TYW1: variants seen among roughly 807,000 people sequenced by gnomAD.
TYW1 encodes the protein tRNA-yW synthesizing protein 1 homolog, also known as S-adenosyl-L-methionine-dependent tRNA 4-demethylwyosine synthase TYW1.
Under a neutral mutation model 96.2 loss-of-function variants are expected in TYW1, and 46 were observed. That is an observed-to-expected ratio of 0.48 (90% CI 0.38 to 0.61). The LOEUF is 0.61. Ranked by LOEUF, TYW1 falls within the 20% of genes least tolerant of loss-of-function variation. The pLI, the probability that TYW1 is intolerant of heterozygous loss-of-function variation, is 0.00. For synonymous variants in TYW1, 274 were observed against 323.0 expected (o/e 0.85, Z 1.63); for missense variants, 684 against 909.6 (o/e 0.75, Z 3.19).
rs570299951 is a variant in TYW1 at position 67,011,873 on chromosome 7, C to CAAA, written c.375+2203_375+2205dup. On this transcript the variant is annotated intron_variant, in intron 4 of 15. Coordinates refer to ENST00000359626, the MANE Select transcript of TYW1 (RefSeq NM_018264.4). ...GGGCGACAAAAGCAAATCTCCGTCT[C>CAAA]AAAAAAAAAAAAAAAAGAAGCAGCA... is the stretch of plus-strand genomic sequence containing the variant. Among the ~76,000 whole-genome samples the CAAA allele has an allele frequency of 1.9e-4, 17 of 91,746 alleles. No homozygotes were observed. The East Asian group carries it at 3.9e-3, about 21-fold the overall frequency. 60.2% of individuals were successfully genotyped at this position (91,746 alleles called of 152,430 possible).
At chr7:67,235,190 G>A (rs56785837) in intron 15 of TYW1, among the ~76,000 whole-genome samples, 40,583 of 151,856 alleles carry the variant, frequency 0.27, 5,745 homozygotes, top group African/African-American at 0.36. Context: ...GATCCCCAAA[G>A]AGACTCCTCT....
chr7:67,013,383 A>G (rs1169373400), intron 4 of TYW1, among the ~76,000 whole-genome samples: 2 of 152,086 alleles, frequency 1.3e-5, no homozygotes, highest in African/African-American at 4.8e-5. Flanking sequence ...TCAACCTCCC[A>G]AAGTCCTGGG....
intron 15 of TYW1, among the ~76,000 whole-genome samples, chr7:67,209,510 T>C (rs1361335437): frequency 6.6e-6 from 1 of 152,186 alleles, no homozygotes; most frequent in Non-Finnish European, 1.5e-5. Context: ...ATAAGTGATA[T>C]ATATGGCTTG....
intron 9 of TYW1, among the ~76,000 whole-genome samples, chr7:67,063,397 T>C (rs1258465624): frequency 6.6e-6 from 1 of 152,224 alleles, no homozygotes; most frequent in Non-Finnish European, 1.5e-5. Context: ...CACTCCTGTT[T>C]TACATAGTAT....
chr7:67,014,027 G>A (rs1793917934), intron 4 of TYW1, among the ~76,000 whole-genome samples: 1 of 152,100 alleles, frequency 6.6e-6, no homozygotes, highest in South Asian at 2.1e-4. Context: ...ACAGGCTTGA[G>A]CCACCGCACC....
At chr7:67,190,727 T>C (rs953134416) in intron 14 of TYW1, among the ~76,000 whole-genome samples, 3 of 152,178 alleles carry the variant, frequency 2.0e-5, no homozygotes, top group African/African-American at 7.2e-5. Context: ...TTTAAAGAGT[T>C]ATTGAAGCAT....
chr7:67,163,733 A>G (rs1799239820), intron 13 of TYW1, among the ~76,000 whole-genome samples: 1 of 148,254 alleles, frequency 6.7e-6, no homozygotes, highest in African/African-American at 2.5e-5. Flanking sequence ...CAGTGGTGTG[A>G]TCTCAGCTCT....
chr7:67,103,811 T>G (rs1797161427), intron 12 of TYW1, among the ~76,000 whole-genome samples: 1 of 152,196 alleles, frequency 6.6e-6, no homozygotes, highest in Non-Finnish European at 1.5e-5. Context: ...ATACAGCAAG[T>G]CAACAAGTTC....
intron 10 of TYW1, among the ~76,000 whole-genome samples, chr7:67,079,516 G>A (rs1796315912): frequency 6.6e-6 from 1 of 150,512 alleles, no homozygotes; most frequent in Non-Finnish European, 1.5e-5. Flanking sequence ...TTAGTCTAAT[G>A]GTTTGTCGAT....
intron 9 of TYW1, among the ~76,000 whole-genome samples, chr7:67,064,056 A>G (rs1474868470): frequency 6.6e-6 from 1 of 152,246 alleles, no homozygotes; most frequent in African/African-American, 2.4e-5. Context: ...AAAATAAATG[A>G]AAATCTAAAC....
chr7:67,180,425 A>ATATATATTAT (rs1563058168), intron 13 of TYW1, among the ~76,000 whole-genome samples: 1 of 68,636 alleles, frequency 1.5e-5, no homozygotes, highest in African/African-American at 7.3e-5. Context: ...TATATATATA[A>ATATATATTAT]TTTTTTTTTT....
chr7:67,229,278 C>T (rs1801668503), intron 15 of TYW1, among the ~76,000 whole-genome samples: 4 of 152,080 alleles, frequency 2.6e-5, no homozygotes. Flanking sequence ...TGGCTCATGC[C>T]TGTAATCCTA....
At chr7:67,210,479 A>G (rs1325154635) in intron 15 of TYW1, among the ~76,000 whole-genome samples, 1 of 152,130 alleles carries the variant, frequency 6.6e-6, no homozygotes, top group African/African-American at 2.4e-5. Flanking sequence ...GGAGGAAATC[A>G]CCGTGTGTGG....
Position 67,080,940 on chromosome 7 carries a change from G to GT in TYW1, c.1275-2463dup, listed in dbSNP as rs71049495. 4.8e-3 allele frequency among the ~76,000 whole-genome samples: 179 copies of GT among 37,238 alleles called. 20 individuals are homozygous for GT. The highest frequency in any genetic ancestry group is 8.9e-3 in the African/African-American group (79 of 8,846). 24.4% of individuals were successfully genotyped at this position (37,238 alleles called of 152,430 possible). A position where few individuals can be genotyped will look rare whatever the true frequency, so the allele number is the denominator to read the frequency against. ...TGTATATTGTTTTTGCTTTCTTACT[G>GT]TTTTTTTTTTTTTTTTTTTTTTTTT... is the stretch of plus-strand genomic sequence containing the variant. On this transcript the variant is annotated intron_variant, in intron 10 of 15. Coordinates refer to ENST00000359626, the MANE Select transcript of TYW1 (RefSeq NM_018264.4).
intron 10 of TYW1, among the ~76,000 whole-genome samples, chr7:67,068,682 C>T (rs1795946665): frequency 6.6e-6 from 1 of 152,134 alleles, no homozygotes; most frequent in African/African-American, 2.4e-5. Flanking sequence ...ATTTCCGTGG[C>T]TTCATTTATC....
At chr7:67,180,845 C>T (rs1376433981) in intron 13 of TYW1, among the ~76,000 whole-genome samples, 38 of 151,894 alleles carry the variant, frequency 2.5e-4, no homozygotes, top group Admixed American at 2.3e-3. Flanking sequence ...GGTTTCACCA[C>T]GTTGACCAGG....
rs1217290645 is a variant in TYW1, at chr7:67,179,432, C to T, written c.1699-3694C>T. 4.6e-4 allele frequency among the ~76,000 whole-genome samples: 62 copies of T among 136,006 alleles called. 5 individuals are homozygous for T. Among genetic ancestry groups the T allele is most frequent in the Non-Finnish European group, 3.2e-4 (20 of 63,348 alleles). The allele number at this position is 136,006 out of a possible 152,430, so 89.2% of individuals were successfully genotyped here. A position where few individuals can be genotyped will look rare whatever the true frequency, so the allele number is the denominator to read the frequency against. ...GTCCTGCCAGTCTCCCACCTCACTA[C>T]TGCTTGGGTTCACACCCCAGCTTTG... On this transcript the variant is annotated intron_variant, in intron 13 of 15. Coordinates refer to ENST00000359626, the MANE Select transcript of TYW1 (RefSeq NM_018264.4).
At chr7:67,104,509 C>A (rs1797181768) in intron 12 of TYW1, among the ~76,000 whole-genome samples, 1 of 152,184 alleles carries the variant, frequency 6.6e-6, no homozygotes, top group Non-Finnish European at 1.5e-5. Context: ...TCCCACCAGG[C>A]CCCTCCTCCA....
chr7:67,102,314 C>T (rs1797109428), intron 12 of TYW1, among the ~76,000 whole-genome samples: 1 of 152,124 alleles, frequency 6.6e-6, no homozygotes, highest in Non-Finnish European at 1.5e-5. Flanking sequence ...TAGATGTTAT[C>T]GAGTCTCTCT....
Sources: gnomAD v4.1 joint callset for allele counts (sites outside exome capture counted in the v4.1 genomes callset) on GRCh38, gnomAD v4.1.1 for gene constraint, MANE v1.5 for transcripts, NCBI Gene and HGNC (gene_info 2026-07-23, HGNC 2026-07-21) for gene names.